Variants in PRKAR2A observed in about 807,000 individuals in gnomAD.
PRKAR2A encodes cAMP-dependent protein kinase type II-alpha regulatory subunit.
A neutral mutation model predicts 51.9 loss-of-function variants in PRKAR2A; 29 were observed. The observed-to-expected ratio is 0.56, with a 90% confidence interval of 0.42 to 0.76. The LOEUF (loss-of-function observed/expected upper bound fraction) is 0.76. PRKAR2A is among the 30% of genes least tolerant of loss of function. The probability of loss-of-function intolerance (pLI) is 0.00; values close to 1 mark genes in which losing one functional copy is unlikely to be tolerated. For missense variants in PRKAR2A, 445 were observed against 512.1 expected, an observed-to-expected ratio of 0.87 and a Z score of 1.26; for synonymous variants, 178 against 186.2, an observed-to-expected ratio of 0.96 and a Z score of 0.36.
At chr3:48,816,997 C>A (rs2082884233) in intron 1 of PRKAR2A, among the ~76,000 whole-genome samples, 2 of 152,040 alleles carry the variant, frequency 1.3e-5, no homozygotes. Flanking sequence ...GCCTGGGCAA[C>A]ATAGCAAGAT....
intron 3 of PRKAR2A, 145 bp downstream of exon 3, chr3:48,793,852 T>C: frequency 1.3e-6 from 1 of 773,666 alleles, no homozygotes; most frequent in Non-Finnish European, 2.2e-6. Flanking sequence ...CCAATGCAAC[T>C]TTCAATTTGT....
intron 1 of PRKAR2A, among the ~76,000 whole-genome samples, chr3:48,825,028 CTTT>C (rs1168503342): frequency 3.1e-4 from 23 of 74,684 alleles, no homozygotes; most frequent in Admixed American, 1.2e-3. Flanking sequence ...ATTTTCTTTT[CTTT>C]TTTTTTTTTT....
At chr3:48,841,389 C>CA (rs2083379026) in intron 1 of PRKAR2A, among the ~76,000 whole-genome samples, 1 of 150,770 alleles carries the variant, frequency 6.6e-6, no homozygotes, top group South Asian at 2.1e-4. Flanking sequence ...ACTAAAAATA[C>CA]AAAAAATTAC....
chr3:48,812,853 TA>T (rs2082798883), intron 1 of PRKAR2A, among the ~76,000 whole-genome samples: 2 of 152,218 alleles, frequency 1.3e-5, no homozygotes, highest in Non-Finnish European at 2.9e-5. Context: ...AGTTCTGAAA[TA>T]CACGTGGATT....
intron 1 of PRKAR2A, among the ~76,000 whole-genome samples, chr3:48,807,929 A>C (rs1161661888): frequency 6.6e-6 from 1 of 152,078 alleles, no homozygotes; most frequent in African/African-American, 2.4e-5. Context: ...TGGCAATTTT[A>C]TTTCTGCCCA....
At chr3:48,807,797 G>C in intron 1 of PRKAR2A, 113 bp from the exon 2 acceptor site, 1 of 780,832 alleles carries the variant, frequency 1.3e-6, no homozygotes, top group African/African-American at 1.7e-5. Flanking sequence ...AAACCAAGCA[G>C]TGGGTCAGTT....
chr3:48,745,608 G>A (rs961590262), downstream of PRKAR2A, among the ~76,000 whole-genome samples: 5 of 145,264 alleles, frequency 3.4e-5, no homozygotes, highest in Non-Finnish European at 5.9e-5. Flanking sequence ...ATGCAATCTC[G>A]GCTCACTGCA....
At chr3:48,786,262 T>C (rs2082290514) in intron 4 of PRKAR2A, among the ~76,000 whole-genome samples, 1 of 150,524 alleles carries the variant, frequency 6.6e-6, no homozygotes, top group Admixed American at 6.6e-5. Context: ...GTAGCTGAGA[T>C]TACAGGTGTG....
intron 9 of PRKAR2A, among the ~76,000 whole-genome samples, chr3:48,753,853 C>A (rs1165327106): frequency 6.6e-6 from 1 of 151,926 alleles, no homozygotes. Flanking sequence ...CATCACTAGT[C>A]CAAAAACTGT....
Position 48,747,042 on chromosome 3 carries a change from T to C in PRKAR2A, c.*4543A>G, listed in dbSNP as rs62743963. The C allele has an allele frequency of 6.6e-5, 1 of 15,142 alleles. No individual in the cohort carries two copies. Among genetic ancestry groups the C allele is most frequent in the Non-Finnish European group, 1.3e-4 (1 of 7,816 alleles). 0.9% of individuals were successfully genotyped at this position (15,142 alleles called of 1,614,324 possible). ...ATGAGGTTAGTGACAGTTCTTGTCCTTTTTTTTTTTTTTTTTTTTTTTTTT... is the reference window on the plus strand; with the variant it reads ...ATGAGGTTAGTGACAGTTCTTGTCCCTTTTTTTTTTTTTTTTTTTTTTTTT... On this transcript the variant is annotated 3_prime_UTR_variant, in exon 11 of 11. Transcript: ENST00000265563.
At chr3:48,796,110 A>G (rs1395981339) in intron 2 of PRKAR2A, among the ~76,000 whole-genome samples, 2 of 152,214 alleles carry the variant, frequency 1.3e-5, no homozygotes, top group Non-Finnish European at 1.5e-5. Flanking sequence ...AATGAAGCAA[A>G]CCTACTGCCT....
chr3:48,752,705 A>AT (rs201764265), intron 9 of PRKAR2A, among the ~76,000 whole-genome samples: 38 of 149,592 alleles, frequency 2.5e-4, no homozygotes, highest in Admixed American at 6.0e-4. Context: ...TGCCCCCCAC[A>AT]TTTTTTTTTA....
chr3:48,773,521 T>C (rs1327688000), intron 5 of PRKAR2A, among the ~76,000 whole-genome samples: 1 of 151,756 alleles, frequency 6.6e-6, no homozygotes, highest in East Asian at 1.9e-4. Context: ...TTTTTTTGTA[T>C]TTTTAGACAG....
chr3:48,791,709 A>C (rs1300279934), intron 3 of PRKAR2A, among the ~76,000 whole-genome samples: 30 of 150,874 alleles, frequency 2.0e-4, no homozygotes, highest in African/African-American at 7.1e-4. Flanking sequence ...GTTCGAAACC[A>C]GCCTGACCAA....
intron 1 of PRKAR2A, among the ~76,000 whole-genome samples, chr3:48,842,875 C>G (rs1011092235): frequency 1.3e-5 from 2 of 152,142 alleles, no homozygotes; most frequent in African/African-American, 4.8e-5. Context: ...CTAAAACTCT[C>G]TTTTTTGGTT....
At chr3:48,803,308 G>T (rs1194584151) in intron 2 of PRKAR2A, among the ~76,000 whole-genome samples, 3 of 152,152 alleles carry the variant, frequency 2.0e-5, no homozygotes, top group African/African-American at 7.2e-5. Flanking sequence ...TACTTGGGAG[G>T]TTGAGGCAGG....
At chr3:48,768,518 T>G (rs957390311) in intron 6 of PRKAR2A, among the ~76,000 whole-genome samples, 1 of 151,428 alleles carries the variant, frequency 6.6e-6, no homozygotes, top group Non-Finnish European at 1.5e-5. Flanking sequence ...GCCAACATGG[T>G]GAAATCTCGT....
chr3:48,773,438 G>T (rs535053730), intron 5 of PRKAR2A, among the ~76,000 whole-genome samples: 1 of 150,888 alleles, frequency 6.6e-6, no homozygotes, highest in South Asian at 2.1e-4. Flanking sequence ...CCACCTCCTG[G>T]GCTCACGCCA....
At chr3:48,804,667 C>A (rs916121052) in intron 2 of PRKAR2A, among the ~76,000 whole-genome samples, 1 of 152,038 alleles carries the variant, frequency 6.6e-6, no homozygotes, top group Non-Finnish European at 1.5e-5. Flanking sequence ...AGAATGGGAC[C>A]ACTCACTGAA....
Sources: gnomAD v4.1 joint callset for allele counts (sites outside exome capture counted in the v4.1 genomes callset) on GRCh38, gnomAD v4.1.1 for gene constraint, MANE v1.5 for transcripts, NCBI Gene and HGNC (gene_info 2026-07-23, HGNC 2026-07-21) for gene names.